ZSCAN23: variants seen among roughly 807,000 people sequenced by gnomAD.
The protein encoded by ZSCAN23 is zinc finger and SCAN domain-containing protein 23.
In ZSCAN23, 19 loss-of-function variants were observed where a neutral mutation model predicts 19.3. That is an observed-to-expected ratio of 0.99 (90% CI 0.69 to 1.45). The LOEUF (loss-of-function observed/expected upper bound fraction) is 1.45, where lower values mean the gene tolerates loss of function less well. ZSCAN23 is among the 40% of genes most tolerant of loss of function. The pLI, the probability that ZSCAN23 is intolerant of heterozygous loss-of-function variation, is 0.00. For synonymous variants in ZSCAN23, 140 were observed against 166.2 expected, an observed-to-expected ratio of 0.84 and a Z score of 1.21; for missense variants, 372 against 462.5, an observed-to-expected ratio of 0.80 and a Z score of 1.79.
At chr6:28,423,860 G>A in the ZSCAN23 span, among the ~76,000 whole-genome samples, 3 of 151,880 alleles carry the variant, frequency 2.0e-5, no homozygotes, top group Non-Finnish European at 1.5e-5. Context: ...GGCAAAAAGT[G>A]TGAAGGTAAA....
At chr6:28,438,722 C>T (rs1401168196) in intron 1 of ZSCAN23, among the ~76,000 whole-genome samples, 1 of 152,100 alleles carries the variant, frequency 6.6e-6, no homozygotes, top group East Asian at 1.9e-4. Flanking sequence ...AAGGTACCTG[C>T]CCCCATAATT....
At chr6:28,438,765 C>T (rs894058886) in intron 1 of ZSCAN23, among the ~76,000 whole-genome samples, 1 of 152,172 alleles carries the variant, frequency 6.6e-6, no homozygotes, top group Non-Finnish European at 1.5e-5. Context: ...TCCCACGACA[C>T]ATGGGGATTA....
chr6:28,435,786 T>C, intron 2 of ZSCAN23, 73 bp downstream of exon 2: 2 of 1,464,342 alleles, frequency 1.4e-6, no homozygotes, highest in African/African-American at 1.4e-5. Context: ...CCTCCTCCTC[T>C]ACCTTTTCTT....
chr6:28,435,555 G>A lies in ZSCAN23; in HGVS notation c.461C>T (p.Pro154Leu). ...ATTTGATGACTCCTGAGCTGCTCCT[G>A]GAGTTGCCTTCTCCTTTACAAACTC... ...QEEFVKEKAT[P>L]GAAQESSNDQ... Residue 154 changes from proline to leucine, a missense_variant, in exon 3 of 4, where the codon CCA becomes CTA. Physicochemically the swap from Pro to Leu is moderately conservative, Grantham distance 98 (BLOSUM62 -3). Transcript: ENST00000289788. The A allele has an allele frequency of 6.4e-7, 1 of 1,551,718 alleles. No individual in the cohort carries two copies. Among genetic ancestry groups the A allele is most frequent in the South Asian group, 1.2e-5 (1 of 84,064 alleles).
downstream of ZSCAN23, among the ~76,000 whole-genome samples, chr6:28,431,044 T>C (rs897026389): frequency 3.3e-5 from 5 of 151,538 alleles, no homozygotes; most frequent in Non-Finnish European, 4.4e-5. Flanking sequence ...ATTCACTCAA[T>C]AGGTTAATCT....
At chr6:28,428,642 C>T (rs1041659257), downstream of ZSCAN23, among the ~76,000 whole-genome samples, 1 of 152,148 alleles carries the variant, frequency 6.6e-6, no homozygotes, top group Non-Finnish European at 1.5e-5. Context: ...ATCTCCCTTG[C>T]TTTCAGTTTT....
At position 28,433,508 on chromosome 6, in the gene ZSCAN23, G is replaced by A. The variant is rs1049280094; in HGVS notation, c.*957C>T. ...AGGTTTTCCATTTCTTTGTCTCCTG[G>A]ACCTTGTGTAAAGCTTTGTAAAGAG... is the stretch of plus-strand genomic sequence containing the variant. On this transcript the variant is annotated 3_prime_UTR_variant, in exon 4 of 4. Coordinates refer to ENST00000289788, the MANE Select transcript of ZSCAN23 (RefSeq NM_001012455.2). 1 of 151,922 alleles carries A rather than the reference G, an allele frequency of 6.6e-6. No individual in the cohort carries two copies. The highest frequency in any genetic ancestry group is 2.4e-5 in the African/African-American group (1 of 41,370). 9.4% of individuals were successfully genotyped at this position (151,922 alleles called of 1,614,324 possible).
chr6:28,428,267 T>C (rs1212679063), downstream of ZSCAN23, among the ~76,000 whole-genome samples: 1 of 152,220 alleles, frequency 6.6e-6, no homozygotes, highest in Non-Finnish European at 1.5e-5. Flanking sequence ...TTCACTTGTA[T>C]GTCTTACAAG....
At chr6:28,427,832 C>T (rs550423643), downstream of ZSCAN23, among the ~76,000 whole-genome samples, 1 of 152,312 alleles carries the variant, frequency 6.6e-6, no homozygotes, top group African/African-American at 2.4e-5. Context: ...GTAATCCCAA[C>T]ACTTTGGGAG....
In ZSCAN23 at chr6:28,432,688, A is replaced by G. The variant is rs1485802856; in HGVS notation, c.*1777T>C. 1 of 152,176 alleles carries G rather than the reference A, an allele frequency of 6.6e-6. No homozygotes were observed. Among genetic ancestry groups the G allele is most frequent in the African/African-American group, 2.4e-5 (1 of 41,460 alleles). 9.4% of individuals were successfully genotyped at this position (152,176 alleles called of 1,614,324 possible). A position where few individuals can be genotyped will look rare whatever the true frequency, so the allele number is the denominator to read the frequency against. ...TAAAATAGTGAGATTTTTCATCTAT[A>G]GGAGTTTGTTAAACTATGGAGTATG... On this transcript the variant is annotated 3_prime_UTR_variant, in exon 4 of 4. Coordinates refer to ENST00000289788, the MANE Select transcript of ZSCAN23 (RefSeq NM_001012455.2).
At position 28,441,983 on chromosome 6, in the gene ZSCAN23, T is replaced by A. The variant is rs187310543; in HGVS notation, c.-78+1416A>T. On this transcript the variant is annotated intron_variant, in intron 1 of 3. Transcript: ENST00000289788. ...ACCTCTGCCTCCCAGGTTCAAGCAA[T>A]CCTCCTGCCTCAGCTTCCGGAGTAG... 2.1e-3 allele frequency among the ~76,000 whole-genome samples: 316 copies of A among 149,052 alleles called. 2 individuals are homozygous for A. Among genetic ancestry groups the A allele is most frequent in the Non-Finnish European group, 2.9e-3 (197 of 67,496 alleles).
At chr6:28,423,758 C>G in the ZSCAN23 span, among the ~76,000 whole-genome samples, 2 of 152,150 alleles carry the variant, frequency 1.3e-5, no homozygotes, top group Non-Finnish European at 2.9e-5. Context: ...TGCAGCAGTG[C>G]GTATGCTTCA....
At chr6:28,425,310 T>G in the ZSCAN23 span, among the ~76,000 whole-genome samples, 1 of 152,168 alleles carries the variant, frequency 6.6e-6, no homozygotes, top group African/African-American at 2.4e-5. Flanking sequence ...AGAGTAGATT[T>G]AGCATGATTC....
At chr6:28,422,164 G>A in the ZSCAN23 span, among the ~76,000 whole-genome samples, 22 of 152,036 alleles carry the variant, frequency 1.4e-4, no homozygotes, top group East Asian at 1.7e-3. The surrounding 1 kb of genome is among the most constrained non-coding windows in gnomAD (Gnocchi z 4.0). Context: ...CAGGTTTGTG[G>A]GGATTTATTA....
intron 3 of ZSCAN23, 43 bp downstream of exon 3, chr6:28,435,417 T>A (rs1201286725): frequency 1.9e-6 from 3 of 1,539,940 alleles, no homozygotes; most frequent in Non-Finnish European, 2.6e-6. Flanking sequence ...TGATAAATAT[T>A]CAGGGAATGA....
downstream of ZSCAN23, among the ~76,000 whole-genome samples, chr6:28,430,329 C>G (rs1482434519): frequency 6.6e-6 from 1 of 152,102 alleles, no homozygotes; most frequent in Non-Finnish European, 1.5e-5. Context: ...GAGCTCCTCC[C>G]ACAGCCCTAG....
chr6:28,439,056 T>C (rs1021238938), intron 1 of ZSCAN23, among the ~76,000 whole-genome samples: 1 of 152,072 alleles, frequency 6.6e-6, no homozygotes. Context: ...GTACAGAGGA[T>C]TTTTTTCCTC....
chr6:28,435,663 G>A (rs41270589), intron 2 of ZSCAN23, 56 bp from the exon 3 acceptor site: 70,333 of 1,509,340 alleles, frequency 0.047, 1,942 homozygotes, highest in Non-Finnish European at 0.054. Context: ...ATGGCAAGGA[G>A]GCCTCCTCAG....
chr6:28,425,123 T>C, the ZSCAN23 span, among the ~76,000 whole-genome samples: 1 of 152,190 alleles, frequency 6.6e-6, no homozygotes, highest in Non-Finnish European at 1.5e-5. Context: ...TTTGCACATC[T>C]CCCTCAGAGC....
Sources: allele counts gnomAD v4.1 joint callset (sites outside exome capture counted in the v4.1 genomes callset), GRCh38; gene constraint gnomAD v4.1.1; non-coding constraint Gnocchi (gnomAD v3.1); transcripts MANE v1.5; gene names NCBI Gene and HGNC (gene_info 2026-07-23, HGNC 2026-07-21).